Variants in CRYL1 observed in about 807,000 individuals in gnomAD.
CRYL1 encodes lambda-crystallin homolog.
In CRYL1, 29 loss-of-function variants were observed where a neutral mutation model predicts 36.6. The observed-to-expected ratio is 0.79, with a 90% confidence interval of 0.59 to 1.08. CRYL1 has a LOEUF of 1.08. Ranked by LOEUF, CRYL1 falls within the 50% of genes least tolerant of loss-of-function variation. The pLI, the probability that CRYL1 is intolerant of heterozygous loss-of-function variation, is 0.00. For missense variants in CRYL1, 411 were observed against 407.9 expected (o/e 1.01, Z -0.06); for synonymous variants, 152 against 151.5 (o/e 1.00, Z -0.02).
Position 20,525,360 on chromosome 13 carries a change from C to T in CRYL1, c.41+394G>A, listed in dbSNP as rs972293708. The stretch of plus-strand genomic sequence containing the variant: ...CATTCGTAAAATGGGGATGAGAACA[C>T]AGTCGTCGCAGGATCGCAGCCAGAA... On this transcript the variant is annotated intron_variant, in intron 1 of 7. Coordinates refer to ENST00000298248, the MANE Select transcript of CRYL1 (RefSeq NM_015974.3). The surrounding 1 kb of genome is among the most constrained non-coding windows in gnomAD (Gnocchi z 4.3). Among the ~76,000 whole-genome samples the T allele has an allele frequency of 3.3e-5, 5 of 152,258 alleles. No homozygotes were observed. The highest frequency in any genetic ancestry group is 7.3e-5 in the Non-Finnish European group (5 of 68,044).
chr13:20,466,951 A>AT (rs2032949164), intron 3 of CRYL1, among the ~76,000 whole-genome samples: 1 of 21,774 alleles, frequency 4.6e-5, no homozygotes, highest in Non-Finnish European at 1.4e-4. Context: ...ACACAATATA[A>AT]CTTTTTTTTT....
Position 20,404,047 on chromosome 13 carries a change from G to T in CRYL1, c.*82C>A. The T allele has an allele frequency of 1.0e-6, 1 of 961,780 alleles. No homozygotes were observed. Among genetic ancestry groups the T allele is most frequent in the Non-Finnish European group, 1.7e-6 (1 of 605,100 alleles). The allele number at this position is 961,780 out of a possible 1,614,324, so 59.6% of individuals were successfully genotyped here. On this transcript the variant is annotated 3_prime_UTR_variant, in exon 8 of 8. Coordinates refer to ENST00000298248, the MANE Select transcript of CRYL1 (RefSeq NM_015974.3). ...AGGATCTCCGTGGGCTGCTACCTAT[G>T]TCACAGAGGGCTGATTAAGGGCTTG...
intron 6 of CRYL1, among the ~76,000 whole-genome samples, chr13:20,406,782 A>C (rs73441762): frequency 0.02 from 2,975 of 152,000 alleles, 96 homozygotes; most frequent in African/African-American, 0.067. Flanking sequence ...AAATTAGAAG[A>C]AAATGGAAAG....
intron 3 of CRYL1, among the ~76,000 whole-genome samples, chr13:20,462,031 C>G: frequency 1.7e-4 from 1 of 5,998 alleles, no homozygotes; most frequent in Non-Finnish European, 3.8e-4. Context: ...GGAGGACAGT[C>G]TGGAGAGAAG....
intron 2 of CRYL1, among the ~76,000 whole-genome samples, chr13:20,505,359 C>CAAAAAAAATAAAAAAA (rs2033775408): frequency 1.1e-5 from 1 of 91,222 alleles, no homozygotes; most frequent in Non-Finnish European, 2.3e-5. Flanking sequence ...TCTATCCCAC[C>CAAAAAAAATAAAAAAA]AAAAAAAAAA....
At chr13:20,508,737 T>C (rs1220404085) in intron 2 of CRYL1, among the ~76,000 whole-genome samples, 1 of 150,996 alleles carries the variant, frequency 6.6e-6, no homozygotes, top group Admixed American at 6.6e-5. Context: ...TAGTCCCAGC[T>C]ACTCAGGAGG....
chr13:20,404,705 A>G lies in CRYL1; in HGVS notation c.776T>C (p.Ile259Thr). 6.2e-7 allele frequency: 1 copy of G among 1,613,974 alleles called. No individual in the cohort carries two copies. Among genetic ancestry groups the G allele is most frequent in the Non-Finnish European group, 8.5e-7 (1 of 1,179,794 alleles). The change falls in exon 7 of 8, where the codon ATA (isoleucine) becomes ACA (threonine). Residue 259 changes from isoleucine to threonine, a missense_variant. Ile to Thr is a moderately conservative substitution (Grantham distance 89). Coordinates refer to ENST00000298248, the MANE Select transcript of CRYL1 (RefSeq NM_015974.3). ...LSYCDRYSEG[I>T]KHVLQTFGPI... ...TCCAAAAGTCTGTAGGACATGTTTTATGCCTTCGCTGTATCTGTCGCAGTA... is the reference window on the plus strand; with the variant it reads ...TCCAAAAGTCTGTAGGACATGTTTTGTGCCTTCGCTGTATCTGTCGCAGTA...
At chr13:20,433,276 T>C (rs2032116344) in intron 4 of CRYL1, among the ~76,000 whole-genome samples, 1 of 152,204 alleles carries the variant, frequency 6.6e-6, no homozygotes, top group Non-Finnish European at 1.5e-5. Flanking sequence ...GAAACTGTTC[T>C]TAGAGATTCC....
chr13:20,477,500 C>T (rs9315613), intron 3 of CRYL1, among the ~76,000 whole-genome samples: 1,551 of 150,710 alleles, frequency 0.01, 13 homozygotes, highest in Middle Eastern at 0.021. Flanking sequence ...AATACTAGCA[C>T]CCACTTTACA....
chr13:20,517,190 G>A (rs2034015000), intron 1 of CRYL1, among the ~76,000 whole-genome samples: 1 of 152,234 alleles, frequency 6.6e-6, no homozygotes, highest in African/African-American at 2.4e-5. Context: ...ATATGGGTGT[G>A]CAAGCCTGGG....
At chr13:20,480,396 T>A (rs4769116) in intron 3 of CRYL1, among the ~76,000 whole-genome samples, 92,621 of 145,368 alleles carry the variant, frequency 0.64, 29,272 homozygotes, top group East Asian at 0.76. Context: ...AAAAAAAAAA[T>A]TACCGTCTTC....
At chr13:20,441,946 G>T (rs1181513563) in intron 3 of CRYL1, among the ~76,000 whole-genome samples, 1 of 152,090 alleles carries the variant, frequency 6.6e-6, no homozygotes, top group Non-Finnish European at 1.5e-5. Context: ...AAAAAAATCA[G>T]TCATTTAAGA....
chr13:20,479,086 A>G (rs534536201), intron 3 of CRYL1, among the ~76,000 whole-genome samples: 18 of 152,112 alleles, frequency 1.2e-4, no homozygotes, highest in Non-Finnish European at 2.1e-4. Context: ...GCGCCTGGCC[A>G]TCTTTCTTTT....
At chr13:20,458,173 C>T (rs1029284236) in intron 3 of CRYL1, among the ~76,000 whole-genome samples, 1 of 152,184 alleles carries the variant, frequency 6.6e-6, no homozygotes, top group Non-Finnish European at 1.5e-5. Flanking sequence ...GTCTTACAAT[C>T]AGTAGCATCT....
At chr13:20,488,860 C>T (rs2033451651) in intron 3 of CRYL1, among the ~76,000 whole-genome samples, 1 of 152,354 alleles carries the variant, frequency 6.6e-6, no homozygotes, top group South Asian at 2.1e-4. Flanking sequence ...GCAGGGACCA[C>T]TCACCTCTCC....
At chr13:20,436,423 C>T (rs549363647) in intron 4 of CRYL1, among the ~76,000 whole-genome samples, 1 of 152,188 alleles carries the variant, frequency 6.6e-6, no homozygotes, top group Non-Finnish European at 1.5e-5. Flanking sequence ...ACATGCACAC[C>T]GTTGTCACCC....
chr13:20,496,403 G>C (rs142640023), intron 2 of CRYL1, among the ~76,000 whole-genome samples: 1 of 152,298 alleles, frequency 6.6e-6, no homozygotes, highest in East Asian at 1.9e-4. Context: ...ATGAGAACTA[G>C]AATTTAGAAA....
At chr13:20,419,210 C>CTAG (rs1468962081) in intron 5 of CRYL1, 3 of 152,206 alleles carry the variant, frequency 2.0e-5, no homozygotes, top group Admixed American at 1.3e-4. Flanking sequence ...AGCTAGGGTA[C>CTAG]TAGACTATCC....
intron 3 of CRYL1, among the ~76,000 whole-genome samples, chr13:20,444,852 G>T (rs2032421709): frequency 6.6e-6 from 1 of 152,172 alleles, no homozygotes; most frequent in Non-Finnish European, 1.5e-5. Context: ...GAGTAGCTGG[G>T]ATTACAGGTG....
Sources: allele counts gnomAD v4.1 joint callset (sites outside exome capture counted in the v4.1 genomes callset), GRCh38; gene constraint gnomAD v4.1.1; non-coding constraint Gnocchi (gnomAD v3.1); transcripts MANE v1.5; gene names NCBI Gene and HGNC (gene_info 2026-07-23, HGNC 2026-07-21).